The following SANBR variants were observed in gnomAD, a reference collection of about 807,000 sequenced individuals.
SANBR encodes the protein SANT and BTB domain regulator of CSR.
A neutral mutation model predicts 101.8 loss-of-function variants in SANBR; 77 were observed. The ratio of observed to expected loss-of-function variants is 0.76; its 90% CI spans 0.63 to 0.91. The LOEUF (loss-of-function observed/expected upper bound fraction) is 0.91. Among genes scored for constraint, SANBR ranks in the 40% least tolerant of loss-of-function variants. The pLI is 0.00. For synonymous variants in SANBR, 279 were observed against 274.7 expected, an observed-to-expected ratio of 1.02 and a Z score of -0.15; for missense variants, 875 against 853.0, an observed-to-expected ratio of 1.03 and a Z score of -0.32.
chr2:61,081,579 A>G, intron 7 of SANBR, 69 bp downstream of exon 7: 1 of 1,403,156 alleles, frequency 7.1e-7, no homozygotes, highest in South Asian at 1.4e-5. Context: ...TCAAGTATCT[A>G]GAAAATTCTG....
chr2:61,068,735 G>A (rs1167740807), intron 1 of SANBR, 114 bp from the exon 2 acceptor site: 1 of 152,314 alleles, frequency 6.6e-6, no homozygotes, highest in Non-Finnish European at 1.5e-5. Flanking sequence ...GAGGATCTCT[G>A]GAGTGGTAGT....
At chr2:61,115,284 G>A (rs2104957988) in intron 16 of SANBR, among the ~76,000 whole-genome samples, 1 of 151,726 alleles carries the variant, frequency 6.6e-6, no homozygotes, top group South Asian at 2.1e-4. Context: ...GTCTTTCAAG[G>A]AATTTTATCC....
chr2:61,102,301 G>A (rs1416706628), intron 12 of SANBR, among the ~76,000 whole-genome samples: 4 of 147,040 alleles, frequency 2.7e-5, no homozygotes, highest in Non-Finnish European at 5.9e-5. Flanking sequence ...GCTTGAACCT[G>A]GGAGGCGGAG....
intron 13 of SANBR, among the ~76,000 whole-genome samples, chr2:61,105,471 A>T (rs972510294): frequency 6.6e-6 from 1 of 151,042 alleles, no homozygotes; most frequent in Non-Finnish European, 1.5e-5. Context: ...GGTTCACGCC[A>T]TTCTCCTGCC....
At chr2:61,075,507 C>T (rs1318882868) in intron 5 of SANBR, among the ~76,000 whole-genome samples, 3 of 152,208 alleles carry the variant, frequency 2.0e-5, no homozygotes, top group Admixed American at 2.0e-4. Flanking sequence ...AATCCTCCTG[C>T]CTTGGCCTCC....
chr2:61,117,739 G>A (rs766179046), intron 19 of SANBR, among the ~76,000 whole-genome samples, 199 bp downstream of exon 19: 1 of 152,202 alleles, frequency 6.6e-6, no homozygotes, highest in African/African-American at 2.4e-5. Context: ...TTATGCATCT[G>A]TGGTTTTGAG....
chr2:61,134,851 G>A (rs1401964783), intron 21 of SANBR, among the ~76,000 whole-genome samples: 3 of 151,684 alleles, frequency 2.0e-5, no homozygotes, highest in Non-Finnish European at 4.4e-5. Flanking sequence ...CTGAGATCGC[G>A]CCACTGCACT....
At position 61,081,434 on chromosome 2, in the gene SANBR, ATTTT is replaced by A. The variant is rs74706756; in HGVS notation, c.671-6_671-3del. On this transcript the variant is annotated splice_polypyrimidine_tract_variant and intron_variant, in intron 6 of 21. Coordinates refer to ENST00000402291, the MANE Select transcript of SANBR (RefSeq NM_001129993.3). Reference sequence around the variant, plus strand: ...GGGTACCCATCAAAAGGGTAATCTAATTTTTTTTTTTTTTTAGAGCCAGGAAATG... The same window carrying A: ...GGGTACCCATCAAAAGGGTAATCTAATTTTTTTTTTTAGAGCCAGGAAATG... 21 of 1,452,780 alleles carry A rather than the reference ATTTT, an allele frequency of 1.4e-5. No homozygotes were observed. Among genetic ancestry groups the A allele is most frequent in the East Asian group, 5.0e-5 (2 of 40,154 alleles). 90.0% of individuals were successfully genotyped at this position (1,452,780 alleles called of 1,614,324 possible).
rs1684400195 is a variant in SANBR at position 61,123,164 on chromosome 2, A to G, written c.*1002A>G. The G allele has an allele frequency of 1.0e-6, 1 of 981,772 alleles. No homozygotes were observed. Among genetic ancestry groups the G allele is most frequent in the African/African-American group, 1.7e-5 (1 of 57,148 alleles). 60.8% of individuals were successfully genotyped at this position (981,772 alleles called of 1,614,324 possible). A position where few individuals can be genotyped will look rare whatever the true frequency, so the allele number is the denominator to read the frequency against. On this transcript the variant is annotated 3_prime_UTR_variant, in exon 22 of 22. Transcript: ENST00000402291. ...GAGTGCTCAGGGAAAATTTGTTCCAAACTATAACCATATAATAAATTATGT... is the reference window on the plus strand; with the variant it reads ...GAGTGCTCAGGGAAAATTTGTTCCAGACTATAACCATATAATAAATTATGT...
intron 12 of SANBR, among the ~76,000 whole-genome samples, chr2:61,100,384 G>A (rs1197447794): frequency 6.6e-6 from 1 of 152,284 alleles, no homozygotes; most frequent in Non-Finnish European, 1.5e-5. Context: ...GAATACAGGT[G>A]TGAGCCACCG....
intron 8 of SANBR, among the ~76,000 whole-genome samples, chr2:61,083,836 T>G (rs1333920170): frequency 6.7e-6 from 1 of 150,184 alleles, no homozygotes; most frequent in Non-Finnish European, 1.5e-5. Flanking sequence ...GCCACTGCAC[T>G]CCAGCCTGGG....
intron 12 of SANBR, among the ~76,000 whole-genome samples, chr2:61,102,598 C>T (rs1683342760): frequency 6.6e-6 from 1 of 151,472 alleles, no homozygotes; most frequent in South Asian, 2.1e-4. Flanking sequence ...AGTGTAGTGG[C>T]ACCATGTTGG....
intron 10 of SANBR, among the ~76,000 whole-genome samples, chr2:61,092,048 A>G (rs921077485): frequency 1.3e-5 from 2 of 152,260 alleles, no homozygotes; most frequent in Admixed American, 6.5e-5. Flanking sequence ...CTTGTCATAT[A>G]ACATATGCAA....
chr2:61,133,980 G>A (rs1324668612), intron 20 of SANBR, among the ~76,000 whole-genome samples: 1 of 152,188 alleles, frequency 6.6e-6, no homozygotes, highest in Non-Finnish European at 1.5e-5. Context: ...AAAAAGGCCA[G>A]TATTGCATCA....
At chr2:61,079,441 C>G (rs1681971396) in intron 6 of SANBR, among the ~76,000 whole-genome samples, 1 of 152,090 alleles carries the variant, frequency 6.6e-6, no homozygotes, top group Admixed American at 6.5e-5. Flanking sequence ...GAAAATAAAT[C>G]TATGCTGACA....
chr2:61,108,511 A>C (rs1371528049), intron 15 of SANBR, among the ~76,000 whole-genome samples, 162 bp downstream of exon 15: 1 of 152,226 alleles, frequency 6.6e-6, no homozygotes, highest in South Asian at 2.1e-4. Flanking sequence ...ATGCCATTAA[A>C]TTATTTAAGA....
chr2:61,079,473 C>G (rs910768277), intron 6 of SANBR, among the ~76,000 whole-genome samples: 5 of 152,202 alleles, frequency 3.3e-5, no homozygotes, highest in Admixed American at 3.3e-4. Flanking sequence ...TTTTAAAAAA[C>G]TTAATAATTT....
intron 16 of SANBR, among the ~76,000 whole-genome samples, chr2:61,112,223 C>T (rs1408872437): frequency 5.9e-5 from 9 of 152,226 alleles, no homozygotes; most frequent in Admixed American, 2.6e-4. Flanking sequence ...CCAGTTGCTG[C>T]ACATTCACAT....
chr2:61,109,214 T>C lies in SANBR; in HGVS notation c.1662T>C (p.Phe554=), dbSNP rs762297975. The C allele has an allele frequency of 2.0e-5, 30 of 1,517,866 alleles. No individual in the cohort carries two copies. The highest frequency in any genetic ancestry group is 2.4e-5 in the Non-Finnish European group (27 of 1,127,552). The allele number at this position is 1,517,866 out of a possible 1,614,324, so 94.0% of individuals were successfully genotyped here. A position where few individuals can be genotyped will look rare whatever the true frequency, so the allele number is the denominator to read the frequency against. Residue 554 remains phenylalanine (F), a synonymous_variant, in exon 16 of 22, where the codon TTT becomes TTC. Coordinates refer to ENST00000402291, the MANE Select transcript of SANBR (RefSeq NM_001129993.3). ...WTLQLKQQSL[F]SEEEEYTTGS... ...TAACTTAGAAACAACAGTCACTGTT[T>C]TCAGAAGAAGAAGAATATACCACTG... is the stretch of plus-strand genomic sequence containing the variant.
Sources: allele counts gnomAD v4.1 joint callset (sites outside exome capture counted in the v4.1 genomes callset), GRCh38; gene constraint gnomAD v4.1.1; transcripts MANE v1.5; gene names NCBI Gene and HGNC (gene_info 2026-07-23, HGNC 2026-07-21).